Variants in GPATCH2 observed in about 807,000 individuals in gnomAD.
GPATCH2 encodes G patch domain-containing protein 2.
GPATCH2 carries 51 observed loss-of-function variants against 58.0 expected under a neutral mutation model. The observed-to-expected ratio is 0.88, with a 90% CI of 0.70 to 1.11. The LOEUF (loss-of-function observed/expected upper bound fraction) is 1.11. Among genes scored for constraint, GPATCH2 ranks in the 50% most tolerant of loss-of-function variants. The pLI is 0.00. For synonymous variants in GPATCH2, 222 were observed against 218.5 expected (o/e 1.02, Z -0.14); for missense variants, 625 against 652.2 (o/e 0.96, Z 0.45).
At chr1:217,537,156 G>T (rs945058800) in intron 5 of GPATCH2, among the ~76,000 whole-genome samples, 1 of 152,166 alleles carries the variant, frequency 6.6e-6, no homozygotes. Flanking sequence ...ATACAGATTA[G>T]AAATCAAAGA....
intron 8 of GPATCH2, among the ~76,000 whole-genome samples, chr1:217,468,576 AAG>A (rs544669823): frequency 1.3e-5 from 2 of 150,258 alleles, no homozygotes; most frequent in South Asian, 2.1e-4. Flanking sequence ...GAGAAAGAGA[AAG>A]AGAGATAGAA....
chr1:217,439,545 C>A (rs182341464), intron 9 of GPATCH2, among the ~76,000 whole-genome samples: 13 of 151,922 alleles, frequency 8.6e-5, no homozygotes, highest in African/African-American at 3.1e-4. Flanking sequence ...GAGAGAGATA[C>A]GAAAAACCCT....
chr1:217,486,581 C>T (rs1040072703), intron 8 of GPATCH2, among the ~76,000 whole-genome samples: 3 of 152,192 alleles, frequency 2.0e-5, no homozygotes, highest in Admixed American at 6.5e-5. Flanking sequence ...GATCCTCCCG[C>T]CTTGGCCTTC....
chr1:217,545,135 G>A (rs1664969889), intron 5 of GPATCH2, among the ~76,000 whole-genome samples: 1 of 152,164 alleles, frequency 6.6e-6, no homozygotes, highest in South Asian at 2.1e-4. Context: ...TCCCTTGAAA[G>A]CCCAACTTCC....
chr1:217,502,582 T>C (rs550420022), intron 6 of GPATCH2, among the ~76,000 whole-genome samples: 1 of 152,236 alleles, frequency 6.6e-6, no homozygotes, highest in Admixed American at 6.5e-5. Context: ...TGGCATCTTT[T>C]GATGAGCAGG....
At chr1:217,453,039 T>C (rs925044801) in intron 8 of GPATCH2, among the ~76,000 whole-genome samples, 18 of 152,220 alleles carry the variant, frequency 1.2e-4, no homozygotes, top group Non-Finnish European at 2.2e-4. Flanking sequence ...TCTACTCTGT[T>C]ATTTAGTTGT....
chr1:217,609,352 T>A, intron 5 of GPATCH2: 1 of 985,114 alleles, frequency 1.0e-6, no homozygotes, highest in Non-Finnish European at 1.2e-6. Flanking sequence ...TTGTTAAAAA[T>A]ACCAGCTTTC....
At chr1:217,544,003 T>C (rs965429818) in intron 5 of GPATCH2, among the ~76,000 whole-genome samples, 6 of 152,226 alleles carry the variant, frequency 3.9e-5, no homozygotes, top group Non-Finnish European at 7.3e-5. Flanking sequence ...ATCTTATTTG[T>C]AGTGTGTGTA....
intron 9 of GPATCH2, among the ~76,000 whole-genome samples, chr1:217,443,206 TTC>T (rs1659229200): frequency 2.0e-5 from 3 of 152,206 alleles, no homozygotes; most frequent in Admixed American, 1.3e-4. Context: ...TTTTAATGGA[TTC>T]TGTTTTCTTC....
chr1:217,486,163 G>A (rs72745398), intron 8 of GPATCH2, among the ~76,000 whole-genome samples: 1,970 of 152,268 alleles, frequency 0.013, 20 homozygotes, highest in Non-Finnish European at 0.02. Context: ...CATGAACAAG[G>A]TGTATCTCTC....
intron 8 of GPATCH2, among the ~76,000 whole-genome samples, chr1:217,466,773 G>A (rs947654542): frequency 1.3e-5 from 2 of 152,130 alleles, no homozygotes; most frequent in Non-Finnish European, 2.9e-5. Flanking sequence ...ATACCAGACT[G>A]AGAATGAGGG....
intron 2 of GPATCH2, among the ~76,000 whole-genome samples, chr1:217,616,044 T>C (rs1226690008): frequency 1.3e-5 from 2 of 152,142 alleles, no homozygotes; most frequent in African/African-American, 2.4e-5. Flanking sequence ...TCTAATAAAC[T>C]ATGAACTTTA....
At chr1:217,601,062 G>A (rs1668083694) in intron 5 of GPATCH2, among the ~76,000 whole-genome samples, 1 of 151,994 alleles carries the variant, frequency 6.6e-6, no homozygotes, top group South Asian at 2.1e-4. Flanking sequence ...CAGAAAGCAT[G>A]GTATTTCATG....
At chr1:217,456,557 T>C (rs1274860456) in intron 8 of GPATCH2, among the ~76,000 whole-genome samples, 1 of 152,172 alleles carries the variant, frequency 6.6e-6, no homozygotes, top group African/African-American at 2.4e-5. Flanking sequence ...AAATGTAGTG[T>C]GCAAGGAGGT....
chr1:217,504,554 G>A (rs763408219), intron 6 of GPATCH2, among the ~76,000 whole-genome samples: 8 of 152,184 alleles, frequency 5.3e-5, no homozygotes, highest in African/African-American at 1.4e-4. Context: ...CACTCTATAA[G>A]TGTTAGTTGT....
In GPATCH2 at chr1:217,609,758, T is replaced by C. The variant is rs879099620; in HGVS notation, c.1098+563A>G. On this transcript the variant is annotated intron_variant, in intron 5 of 9. Transcript: ENST00000366935. Reference sequence around the variant, plus strand: ...GATTTTTATTTACAACAGTCAGATATGTAAAAATTAATTCTTAATCAGTCA... The same window carrying C: ...GATTTTTATTTACAACAGTCAGATACGTAAAAATTAATTCTTAATCAGTCA... 22 of 952,880 alleles carry C rather than the reference T, an allele frequency of 2.3e-5. No homozygotes were observed. In the South Asian group the frequency reaches 9.7e-4, roughly 42 times the overall value. 59.0% of individuals were successfully genotyped at this position (952,880 alleles called of 1,614,324 possible). A position where few individuals can be genotyped will look rare whatever the true frequency, so the allele number is the denominator to read the frequency against.
chr1:217,429,338 G>T lies in GPATCH2; in HGVS notation c.*1807C>A, dbSNP rs1658434349. On this transcript the variant is annotated 3_prime_UTR_variant, in exon 10 of 10. Coordinates refer to ENST00000366935, the MANE Select transcript of GPATCH2 (RefSeq NM_018040.5). ...AGAACATCTCTTCTGGTCGTCCATA[G>T]TTCCCTAACCAACCTGTCCTCTAGG... is the stretch of plus-strand genomic sequence containing the variant. 1 of 152,140 alleles carries T rather than the reference G, an allele frequency of 6.6e-6. No homozygotes were observed. Among genetic ancestry groups the T allele is most frequent in the Non-Finnish European group, 1.5e-5 (1 of 68,026 alleles). 9.4% of individuals were successfully genotyped at this position (152,140 alleles called of 1,614,324 possible).
At position 217,454,461 on chromosome 1, in the gene GPATCH2, C is replaced by T. The variant is rs374329268; in HGVS notation, c.1278-5124G>A. ...AAAATTAGCCGGGCGTGGTGGTGGG[C>T]GCCTGTAGTCCCAGCTACTCGGGAG... On this transcript the variant is annotated intron_variant, in intron 8 of 9. Transcript: ENST00000366935. Among the ~76,000 whole-genome samples the T allele has an allele frequency of 2.2e-4, 33 of 151,584 alleles. No homozygotes were observed. The East Asian group carries it at 3.2e-3, about 15-fold the overall frequency.
intron 1 of GPATCH2, among the ~76,000 whole-genome samples, 173 bp from the exon 2 acceptor site, chr1:217,620,672 C>A (rs1346048720): frequency 6.6e-6 from 1 of 152,146 alleles, no homozygotes; most frequent in Non-Finnish European, 1.5e-5. Context: ...TCATTTTAGG[C>A]CTCTTCTTAT....
Sources: allele counts gnomAD v4.1 joint callset (sites outside exome capture counted in the v4.1 genomes callset), GRCh38; gene constraint gnomAD v4.1.1; transcripts MANE v1.5; gene names NCBI Gene and HGNC (gene_info 2026-07-23, HGNC 2026-07-21).